Variants in VIPR2 observed in about 807,000 individuals in gnomAD.
VIPR2 encodes the protein vasoactive intestinal polypeptide receptor 2.
Under a neutral mutation model 58.0 loss-of-function variants are expected in VIPR2, and 48 were observed. The ratio of observed to expected loss-of-function variants is 0.83; its 90% CI spans 0.66 to 1.05. The LOEUF (loss-of-function observed/expected upper bound fraction) is 1.05. Ranked by LOEUF, VIPR2 falls within the 50% of genes least tolerant of loss-of-function variation. The pLI is 0.00. For synonymous variants in VIPR2, 243 were observed against 235.2 expected, an observed-to-expected ratio of 1.03 and a Z score of -0.30; for missense variants, 534 against 558.0, an observed-to-expected ratio of 0.96 and a Z score of 0.43.
intron 4 of VIPR2, 152 bp from the exon 5 acceptor site, chr7:159,058,730 C>T (rs1349622915): frequency 1.7e-6 from 1 of 605,760 alleles, no homozygotes; most frequent in Non-Finnish European, 2.9e-6. Context: ...ATTCCACCTC[C>T]ATTTTGAACC....
At chr7:159,062,032 G>C (rs3812302) in intron 4 of VIPR2, among the ~76,000 whole-genome samples, 91,111 of 152,138 alleles carry the variant, frequency 0.6, 28,562 homozygotes, top group East Asian at 0.77. Context: ...GCCCCATCCC[G>C]AGGGCCCTGC....
chr7:159,120,789 A>G (rs996973256), intron 2 of VIPR2, among the ~76,000 whole-genome samples: 2 of 151,950 alleles, frequency 1.3e-5, no homozygotes, highest in African/African-American at 4.8e-5. Context: ...GTCGCTTCTC[A>G]CCTCTGTGAG....
intron 2 of VIPR2, among the ~76,000 whole-genome samples, chr7:159,121,845 TG>T (rs1259267303): frequency 6.6e-6 from 1 of 152,244 alleles, no homozygotes; most frequent in East Asian, 1.9e-4. Context: ...AAAGGAATTG[TG>T]GTTCTTTCCC....
chr7:159,082,910 T>G (rs138618323), intron 4 of VIPR2, among the ~76,000 whole-genome samples: 1 of 152,222 alleles, frequency 6.6e-6, no homozygotes, highest in East Asian at 1.9e-4. Flanking sequence ...GAATGTGTGA[T>G]GAACAATGAT....
At chr7:159,085,874 C>T (rs925996353) in intron 4 of VIPR2, among the ~76,000 whole-genome samples, 4 of 152,162 alleles carry the variant, frequency 2.6e-5, no homozygotes, top group African/African-American at 7.2e-5. Context: ...AGAGGCGGAG[C>T]ACAGGGGAGT....
At chr7:159,123,288 T>TTA (rs1796528122) in intron 2 of VIPR2, among the ~76,000 whole-genome samples, 3 of 72,884 alleles carry the variant, frequency 4.1e-5, no homozygotes, top group African/African-American at 5.2e-5. Flanking sequence ...CAAGACTCTG[T>TTA]AAAAAAAAAA....
At chr7:159,048,629 T>C (rs1312053230) in intron 5 of VIPR2, among the ~76,000 whole-genome samples, 1 of 152,238 alleles carries the variant, frequency 6.6e-6, no homozygotes, top group Non-Finnish European at 1.5e-5. Flanking sequence ...ATTTTGGATC[T>C]GACAACTTTA....
intron 2 of VIPR2, among the ~76,000 whole-genome samples, chr7:159,140,491 T>C (rs566748046): frequency 1.3e-5 from 2 of 152,366 alleles, no homozygotes; most frequent in South Asian, 2.1e-4. Flanking sequence ...TGCTGCTGCT[T>C]CTCTCCTGAA....
Position 159,096,895 on chromosome 7 carries a change from G to C in VIPR2, c.357+6862C>G, listed in dbSNP as rs1239925711. The C allele has an allele frequency of 3.9e-6, 6 of 1,549,764 alleles. No individual in the cohort carries two copies. In the East Asian group the frequency reaches 9.8e-5, roughly 25 times the overall value. The stretch of plus-strand genomic sequence containing the variant: ...AGACCACCCTCTCTGTGGCCGCCTT[G>C]CTGTCCCCGTTCCCATCACTCGATG... On this transcript the variant is annotated intron_variant, in intron 4 of 12. Transcript: ENST00000262178. The surrounding 1 kb of genome is among the most constrained non-coding windows in gnomAD (Gnocchi z 5.5).
chr7:159,031,751 C>T lies in VIPR2; in HGVS notation c.1143+77G>A. ...CGCGGAAGACAGGCATGTGTGGGGG[C>T]TGCGGCACCAGGCTGGGCAGCATCT... is the stretch of plus-strand genomic sequence containing the variant. On this transcript the variant is annotated intron_variant, in intron 12 of 12. Coordinates refer to ENST00000262178, the MANE Select transcript of VIPR2 (RefSeq NM_003382.5). This position sits in a 1 kb window ranked among gnomAD's most constrained non-coding sequence, Gnocchi z 4.0. The T allele has an allele frequency of 1.2e-6, 2 of 1,609,744 alleles. No individual in the cohort carries two copies. Among genetic ancestry groups the T allele is most frequent in the Non-Finnish European group, 8.5e-7 (1 of 1,179,094 alleles).
intron 4 of VIPR2, among the ~76,000 whole-genome samples, chr7:159,064,044 G>A (rs565858812): frequency 3.9e-4 from 59 of 152,100 alleles, no homozygotes; most frequent in African/African-American, 1.4e-3. Flanking sequence ...ACTTCCTCAG[G>A]CTCAGGCAGC....
chr7:159,117,004 C>T (rs577673302), intron 2 of VIPR2: 33 of 319,496 alleles, frequency 1.0e-4, no homozygotes, highest in Middle Eastern at 8.8e-4. Flanking sequence ...GAGACTCTTA[C>T]GACATGCTCC....
chr7:159,141,410 G>T (rs77003675), intron 2 of VIPR2, among the ~76,000 whole-genome samples: 1 of 152,198 alleles, frequency 6.6e-6, no homozygotes, highest in South Asian at 2.1e-4. Flanking sequence ...GGATGGGAAC[G>T]GGCAGGGACA....
At position 159,096,333 on chromosome 7, in the gene VIPR2, T is replaced by A; in HGVS notation, c.357+7424A>T. ...TCCTGGGTCAGGCACGTACCTCCCC[T>A]CCTCCGGCATCGGCCAGCTCCATGC... On this transcript the variant is annotated intron_variant, in intron 4 of 12. Coordinates refer to ENST00000262178, the MANE Select transcript of VIPR2 (RefSeq NM_003382.5). The surrounding 1 kb of genome is among the most constrained non-coding windows in gnomAD (Gnocchi z 5.5). Among the ~76,000 whole-genome samples the A allele has an allele frequency of 6.6e-6, 1 of 152,124 alleles. No individual in the cohort carries two copies. The highest frequency in any genetic ancestry group is 1.9e-4 in the East Asian group (1 of 5,184).
chr7:159,043,618 A>G (rs952458275), intron 5 of VIPR2, among the ~76,000 whole-genome samples: 2 of 152,220 alleles, frequency 1.3e-5, no homozygotes, highest in African/African-American at 4.8e-5. Context: ...GGCAGAGGGC[A>G]TGCTGTCTTT....
chr7:159,106,367 G>A (rs1858647273), intron 3 of VIPR2, among the ~76,000 whole-genome samples: 1 of 152,276 alleles, frequency 6.6e-6, no homozygotes, highest in Non-Finnish European at 1.5e-5. Flanking sequence ...GGAAATGACT[G>A]AGGTGGCAAC....
At chr7:159,084,392 G>C (rs997332462) in intron 4 of VIPR2, among the ~76,000 whole-genome samples, 1 of 152,248 alleles carries the variant, frequency 6.6e-6, no homozygotes, top group East Asian at 1.9e-4. Flanking sequence ...AGGTGAGACA[G>C]GAACAGCGTG....
chr7:159,105,401 C>A (rs891307452), intron 3 of VIPR2, among the ~76,000 whole-genome samples: 2 of 152,176 alleles, frequency 1.3e-5, no homozygotes, highest in African/African-American at 4.8e-5. Context: ...TCAAGACAAC[C>A]CTGCAAGACA....
chr7:159,109,729 G>T, intron 3 of VIPR2, 83 bp downstream of exon 3: 1 of 1,306,508 alleles, frequency 7.7e-7, no homozygotes, highest in Non-Finnish European at 1.1e-6. Flanking sequence ...GGAAAGTGAT[G>T]TTCCTGCTTC....
Sources: gnomAD v4.1 joint callset for allele counts (sites outside exome capture counted in the v4.1 genomes callset) on GRCh38, gnomAD v4.1.1 for gene constraint, Gnocchi (gnomAD v3.1) non-coding constraint, MANE v1.5 for transcripts, NCBI Gene and HGNC (gene_info 2026-07-23, HGNC 2026-07-21) for gene names.